CATSPERB: variants seen among roughly 807,000 people sequenced by gnomAD.
CATSPERB encodes catsper channel auxiliary subunit beta, also known as cation channel sperm-associated auxiliary subunit beta.
Under a neutral mutation model 128.3 loss-of-function variants are expected in CATSPERB, and 93 were observed. The ratio of observed to expected loss-of-function variants is 0.72; its 90% CI spans 0.61 to 0.86. The LOEUF (loss-of-function observed/expected upper bound fraction) is 0.86. Among genes scored for constraint, CATSPERB ranks in the 40% least tolerant of loss-of-function variants. The pLI is 0.00. For missense variants in CATSPERB, 1,153 were observed against 1,329.5 expected (o/e 0.87, Z 2.06); for synonymous variants, 381 against 448.8 (o/e 0.85, Z 1.91).
At chr14:91,596,853 T>C (rs1430229123) in intron 22 of CATSPERB, among the ~76,000 whole-genome samples, 1 of 152,110 alleles carries the variant, frequency 6.6e-6, no homozygotes, top group Non-Finnish European at 1.5e-5. Flanking sequence ...AGGAACCTAA[T>C]GTCTTAAAGG....
intron 9 of CATSPERB, 97 bp downstream of exon 9, chr14:91,693,029 T>G: frequency 2.3e-6 from 2 of 884,502 alleles, no homozygotes; most frequent in Non-Finnish European, 3.6e-6. Context: ...CATTTCAATT[T>G]TAAGATACAC....
intron 7 of CATSPERB, among the ~76,000 whole-genome samples, chr14:91,703,921 C>T (rs942575633): frequency 7.9e-5 from 12 of 152,156 alleles, no homozygotes; most frequent in African/African-American, 2.4e-4. Flanking sequence ...GACTTGTGAC[C>T]GGCATTTGAA....
chr14:91,592,114 G>T (rs1893417549), intron 22 of CATSPERB, 112 bp from the exon 23 acceptor site: 2 of 730,726 alleles, frequency 2.7e-6, no homozygotes, highest in Admixed American at 4.7e-5. Context: ...TTCCTGAGAA[G>T]TTAAAAGGGG....
At position 91,613,534 on chromosome 14, in the gene CATSPERB, G is replaced by T. The variant is rs540583405; in HGVS notation, c.2401-2857C>A. ...TTTTAGATATGCTATTTGTAGTATT[G>T]TTAGAGTAGGCAGAAGTGAGCAGGA... On this transcript the variant is annotated intron_variant, in intron 20 of 26. Transcript: ENST00000256343. 1.4e-3 allele frequency among the ~76,000 whole-genome samples: 216 copies of T among 152,292 alleles called. 1 individual carries two copies. Among genetic ancestry groups the T allele is most frequent in the Non-Finnish European group, 2.4e-3 (165 of 68,026 alleles).
At chr14:91,624,350 A>G (rs1704615) in intron 18 of CATSPERB, among the ~76,000 whole-genome samples, 139,271 of 152,356 alleles carry the variant, frequency 0.91, 63,688 homozygotes, top group East Asian at 0.97. Flanking sequence ...TGGGCGTGGC[A>G]GCATGCGCCT....
At chr14:91,699,857 G>C (rs1046532508) in intron 7 of CATSPERB, among the ~76,000 whole-genome samples, 2 of 151,956 alleles carry the variant, frequency 1.3e-5, no homozygotes, top group African/African-American at 4.8e-5. Context: ...ACAGGCATGA[G>C]TCACCGTGCC....
intron 14 of CATSPERB, among the ~76,000 whole-genome samples, chr14:91,667,473 C>G (rs1895006769): frequency 6.6e-6 from 1 of 152,222 alleles, no homozygotes; most frequent in South Asian, 2.1e-4. Context: ...CAAGAAAAAA[C>G]AGCGTACCCT....
Position 91,687,662 on chromosome 14 carries a change from A to G in CATSPERB, c.865-3719T>C, listed in dbSNP as rs375694091. Among the ~76,000 whole-genome samples the G allele has an allele frequency of 4.6e-5, 7 of 152,282 alleles. No homozygotes were observed. In the East Asian group the frequency reaches 1.2e-3, roughly 25 times the overall value. On this transcript the variant is annotated intron_variant, in intron 10 of 26. Transcript: ENST00000256343. ...TTGGCTAAGATGTCTCTGTTCAAAA[A>G]TCCTTATCTAAGCTGGGTGCGGTGA...
intron 22 of CATSPERB, among the ~76,000 whole-genome samples, chr14:91,596,257 G>T (rs1434617161): frequency 6.6e-6 from 1 of 152,020 alleles, no homozygotes; most frequent in African/African-American, 2.4e-5. Context: ...AGGCTGGAGT[G>T]CAGTGGCACA....
intron 11 of CATSPERB, among the ~76,000 whole-genome samples, chr14:91,683,344 A>C (rs1365213942): frequency 6.6e-6 from 1 of 152,204 alleles, no homozygotes; most frequent in South Asian, 2.1e-4. Context: ...CCCACTTTCC[A>C]TAGAAATGGA....
intron 5 of CATSPERB, 82 bp downstream of exon 5, chr14:91,719,336 T>C: frequency 9.9e-7 from 1 of 1,011,950 alleles, no homozygotes; most frequent in South Asian, 1.8e-5. Context: ...CAAATCACTT[T>C]TAAGATAATA....
At chr14:91,660,084 C>A in intron 14 of CATSPERB, 103 bp from the exon 15 acceptor site, 1 of 824,478 alleles carries the variant, frequency 1.2e-6, no homozygotes. Flanking sequence ...TGATCTTTTC[C>A]ATATGCCTAC....
chr14:91,717,289 C>G (rs1895959171), intron 5 of CATSPERB, among the ~76,000 whole-genome samples: 1 of 151,980 alleles, frequency 6.6e-6, no homozygotes, highest in South Asian at 2.1e-4. Flanking sequence ...CTGCAGTGCT[C>G]ACGGTTGTAT....
At chr14:91,718,088 G>A (rs1383110350) in intron 5 of CATSPERB, among the ~76,000 whole-genome samples, 1 of 152,114 alleles carries the variant, frequency 6.6e-6, no homozygotes, top group African/African-American at 2.4e-5. Context: ...AAAATAACAT[G>A]TGATCTTCAC....
chr14:91,722,185 G>A (rs1896046395), intron 4 of CATSPERB, among the ~76,000 whole-genome samples: 1 of 152,136 alleles, frequency 6.6e-6, no homozygotes, highest in Non-Finnish European at 1.5e-5. Context: ...TTCCATCCCT[G>A]GCCATGTAGC....
At chr14:91,712,933 A>C (rs1484198463) in intron 5 of CATSPERB, among the ~76,000 whole-genome samples, 1 of 152,240 alleles carries the variant, frequency 6.6e-6, no homozygotes, top group African/African-American at 2.4e-5. Flanking sequence ...CCACACAGAC[A>C]GTGGCCCTGG....
intron 22 of CATSPERB, chr14:91,605,054 TCTTC>T: frequency 8.3e-7 from 1 of 1,203,206 alleles, no homozygotes; most frequent in South Asian, 1.2e-5. Context: ...TGGGACCTTG[TCTTC>T]CTTTTTTCTG....
At chr14:91,623,702 T>C (rs1894098684) in intron 18 of CATSPERB, among the ~76,000 whole-genome samples, 1 of 152,186 alleles carries the variant, frequency 6.6e-6, no homozygotes, top group African/African-American at 2.4e-5. Flanking sequence ...ACCTGCCCAG[T>C]CTGTTCTCAT....
In CATSPERB at chr14:91,617,748, A is replaced by C. The variant is rs772361314; in HGVS notation, c.2261-12T>G. ...AAGCATTCGAAAACCTATGGAAACA[A>C]GGTTAACAGTTAATATTAGATAATG... On this transcript the variant is annotated splice_polypyrimidine_tract_variant and intron_variant, in intron 19 of 26. Coordinates refer to ENST00000256343, the MANE Select transcript of CATSPERB (RefSeq NM_024764.4). 1 of 1,570,640 alleles carries C rather than the reference A, an allele frequency of 6.4e-7. No individual in the cohort carries two copies. Among genetic ancestry groups the C allele is most frequent in the South Asian group, 1.2e-5 (1 of 84,614 alleles).
Sources: gnomAD v4.1 joint callset for allele counts (sites outside exome capture counted in the v4.1 genomes callset) on GRCh38, gnomAD v4.1.1 for gene constraint, MANE v1.5 for transcripts, NCBI Gene and HGNC (gene_info 2026-07-23, HGNC 2026-07-21) for gene names.